Variants in LOC400499 observed in about 807,000 individuals in gnomAD.
the LOC400499 span, chr16:11,390,192 T>C: frequency 1.6e-6 from 2 of 1,232,542 alleles, no homozygotes; most frequent in Non-Finnish European, 2.0e-6. Context: ...AGACAGCATC[T>C]GTTGGGCGGC....
At chr16:11,377,684 T>C in the LOC400499 span, among the ~76,000 whole-genome samples, 1 of 152,246 alleles carries the variant, frequency 6.6e-6, no homozygotes, top group East Asian at 1.9e-4. Context: ...ATCCTTTTTA[T>C]GATGCTGTCA....
chr16:11,449,409 G>T, the LOC400499 span, among the ~76,000 whole-genome samples: 34,887 of 152,074 alleles, frequency 0.23, 4,535 homozygotes, highest in Non-Finnish European at 0.3. Flanking sequence ...AGTAGCCAGG[G>T]TGTCTGTACC....
chr16:11,523,657 C>T, the LOC400499 span: 2 of 388,246 alleles, frequency 5.2e-6, no homozygotes, highest in Non-Finnish European at 4.5e-6. Context: ...ATTGCCCTAC[C>T]CTTTGTCCAA....
At chr16:11,497,507 G>A in the LOC400499 span, among the ~76,000 whole-genome samples, 95 of 152,354 alleles carry the variant, frequency 6.2e-4, no homozygotes, top group African/African-American at 2.2e-3. Flanking sequence ...AAGAAAGGCG[G>A]CGGGGGCACA....
the LOC400499 span, chr16:11,450,912 G>A: frequency 1.9e-5 from 22 of 1,132,340 alleles, no homozygotes; most frequent in Middle Eastern, 2.1e-4. Context: ...CATCACAGCC[G>A]CAATGGACAA....
At chr16:11,447,782 C>A in the LOC400499 span, among the ~76,000 whole-genome samples, 3 of 152,192 alleles carry the variant, frequency 2.0e-5, no homozygotes, top group African/African-American at 7.2e-5. Context: ...GGGGAGGTGG[C>A]TCTTCTCTGG....
the LOC400499 span, among the ~76,000 whole-genome samples, chr16:11,418,860 T>C: frequency 6.6e-6 from 1 of 152,158 alleles, no homozygotes; most frequent in African/African-American, 2.4e-5. Context: ...CACCCCACAA[T>C]TGTCTTAGTA....
At chr16:11,468,604 G>A in the LOC400499 span, among the ~76,000 whole-genome samples, 3 of 151,930 alleles carry the variant, frequency 2.0e-5, no homozygotes, top group Non-Finnish European at 4.4e-5. Flanking sequence ...GTAATTACAG[G>A]TACAAGCCGT....
chr16:11,418,198 G>A, the LOC400499 span, among the ~76,000 whole-genome samples: 2 of 152,180 alleles, frequency 1.3e-5, no homozygotes, highest in Non-Finnish European at 2.9e-5. Flanking sequence ...TGTAAATAAA[G>A]TTGTTGGAAC....
chr16:11,525,296 A>ACCCC, the LOC400499 span, among the ~76,000 whole-genome samples: 2 of 149,380 alleles, frequency 1.3e-5, no homozygotes, highest in African/African-American at 5.0e-5. Context: ...TTGTCCCAAA[A>ACCCC]AAAAAAAAAA....
At chr16:11,394,782 C>T in the LOC400499 span, among the ~76,000 whole-genome samples, 1 of 152,300 alleles carries the variant, frequency 6.6e-6, no homozygotes, top group Non-Finnish European at 1.5e-5. Flanking sequence ...GCCGTGGGTC[C>T]TGGCAACCAC....
At chr16:11,459,443 G>A in the LOC400499 span, among the ~76,000 whole-genome samples, 8 of 151,892 alleles carry the variant, frequency 5.3e-5, no homozygotes, top group Admixed American at 6.6e-5. Context: ...TGATCCGCCC[G>A]CCTCGGCCTC....
At chr16:11,457,013 C>G in the LOC400499 span, 6 of 1,533,604 alleles carry the variant, frequency 3.9e-6, no homozygotes, top group African/African-American at 6.8e-5. Flanking sequence ...GGCAATCCAC[C>G]TGCCTCTCAG....
the LOC400499 span, chr16:11,501,962 T>C: frequency 2.5e-6 from 1 of 396,256 alleles, no homozygotes; most frequent in Non-Finnish European, 4.4e-6. Context: ...GGGGACGGGA[T>C]GACGCATCAG....
the LOC400499 span, among the ~76,000 whole-genome samples, chr16:11,434,069 C>T: frequency 3.7e-4 from 57 of 152,206 alleles, no homozygotes; most frequent in African/African-American, 1.3e-3. Flanking sequence ...CAGGAAGGGT[C>T]TATAGGAACC....
chr16:11,426,171 C>T, the LOC400499 span, among the ~76,000 whole-genome samples: 1 of 152,234 alleles, frequency 6.6e-6, no homozygotes, highest in African/African-American at 2.4e-5. Flanking sequence ...CGCGGTGGCT[C>T]ACGCCTGTAA....
At chr16:11,481,245 G>A in the LOC400499 span, among the ~76,000 whole-genome samples, 1 of 152,216 alleles carries the variant, frequency 6.6e-6, no homozygotes, top group Admixed American at 6.5e-5. Context: ...TGTCTCTTTT[G>A]GGGGTGATAA....
chr16:11,438,480 T>C, the LOC400499 span, among the ~76,000 whole-genome samples: 1 of 151,664 alleles, frequency 6.6e-6, no homozygotes, highest in South Asian at 2.1e-4. Context: ...TTTAAAAAAA[T>C]GCTATCAGGG....
chr16:11,383,440 G>A, the LOC400499 span, among the ~76,000 whole-genome samples: 2 of 152,164 alleles, frequency 1.3e-5, no homozygotes, highest in African/African-American at 4.8e-5. Flanking sequence ...ACCAAACGGA[G>A]GGCACTAGGC....
Sources: gnomAD v4.1 joint callset for allele counts (sites outside exome capture counted in the v4.1 genomes callset) on GRCh38, gnomAD v4.1.1 for gene constraint, MANE v1.5 for transcripts.